SSC5D: variants seen among roughly 807,000 people sequenced by gnomAD.
SSC5D encodes the protein soluble scavenger receptor cysteine-rich domain-containing protein SSC5D.
SSC5D carries 106 observed loss-of-function variants against 104.6 expected under a neutral mutation model. The ratio of observed to expected loss-of-function variants is 1.01; its 90% CI spans 0.87 to 1.19. SSC5D has a LOEUF of 1.19. SSC5D is among the 50% of genes most tolerant of loss of function. The probability of loss-of-function intolerance (pLI) is 0.00; values close to 1 mark genes in which losing one functional copy is unlikely to be tolerated. For synonymous variants in SSC5D, 860 were observed against 883.5 expected, an observed-to-expected ratio of 0.97 and a Z score of 0.47; for missense variants, 1,993 against 2,153.8, an observed-to-expected ratio of 0.93 and a Z score of 1.48.
rs1987966452 is a variant in SSC5D at position 55,519,065 on chromosome 19, CA to C, written c.*70del. 49 of 1,448,410 alleles carry C rather than the reference CA, an allele frequency of 3.4e-5. 2 individuals are homozygous for C. The South Asian group carries it at 6.4e-4, about 19-fold the overall frequency. 89.7% of individuals were successfully genotyped at this position (1,448,410 alleles called of 1,614,324 possible). ...AAAAAACAAAAACAAAAAAAACCCCCAAAGTATCTAATTAAAAACAAGGTGT... is the reference window on the plus strand; with the variant it reads ...AAAAAACAAAAACAAAAAAAACCCCCAAGTATCTAATTAAAAACAAGGTGT... On this transcript the variant is annotated 3_prime_UTR_variant, in exon 14 of 14. Coordinates refer to ENST00000389623, the MANE Select transcript of SSC5D (RefSeq NM_001144950.2).
rs750813661 is a variant in SSC5D at position 55,494,782 on chromosome 19, C to T, written c.1386C>T (p.Ala462=). Reference sequence around the variant, plus strand: ...TCCTTTGGGAGCCTGGACCGGAAGCCGGTGAGTCCCTCCATGCTCCCCAAG... The same window carrying T: ...TCCTTTGGGAGCCTGGACCGGAAGCTGGTGAGTCCCTCCATGCTCCCCAAG... ...PTVLWEPGPE[A]GSPQLRLVAG... is the part of the protein sequence containing the mutation. The change falls in exon 8 of 14, where the codon GCC becomes GCT. Residue 462 remains alanine, a splice_region_variant and synonymous_variant. Transcript: ENST00000389623. The T allele has an allele frequency of 2.6e-5, 40 of 1,540,270 alleles. No homozygotes were observed. Among genetic ancestry groups the T allele is most frequent in the Admixed American group, 4.0e-5 (2 of 50,106 alleles).
In SSC5D at chr19:55,517,324, A is replaced by AC. The variant is rs1568485761; in HGVS notation, c.3053dup (p.Gly1019ArgfsTer7). 6.5e-7 allele frequency: 1 copy of AC among 1,548,828 alleles called. No homozygotes were observed. ...CCCCAGGTCCCTCCGCCTCTCCGGG[A>AC]CCCCCAGGCCCAGCGCTGACCTCTG... On this transcript the variant is annotated frameshift_variant, in exon 14 of 14. Coordinates refer to ENST00000389623, the MANE Select transcript of SSC5D (RefSeq NM_001144950.2). LOFTEE classifies it low-confidence loss of function (END_TRUNC).
chr19:55,506,487 C>A (rs534042944), intron 12 of SSC5D, among the ~76,000 whole-genome samples: 2 of 146,518 alleles, frequency 1.4e-5, no homozygotes, highest in African/African-American at 5.0e-5. Context: ...CTCTGCCTCC[C>A]GGGTTCACAC....
chr19:55,500,326 A>G lies in SSC5D; in HGVS notation c.2216A>G (p.Glu739Gly). The G allele has an allele frequency of 6.4e-7, 1 of 1,551,530 alleles. No homozygotes were observed. Among genetic ancestry groups the G allele is most frequent in the Non-Finnish European group, 8.7e-7 (1 of 1,146,980 alleles). Residue 739 changes from glutamate to glycine, a missense_variant, in exon 10 of 14, where the codon GAG becomes GGG. Around this residue, in one of 6 missense-constraint regions of SSC5D, gnomAD observed 1,101 missense variants for 1,085.0 expected, o/e 1.01. Coordinates refer to ENST00000389623, the MANE Select transcript of SSC5D (RefSeq NM_001144950.2). The surrounding 1 kb of genome is among the most constrained non-coding windows in gnomAD (Gnocchi z 4.6). ...TIKSIPQASL[E>G]PSAEIPEGSP... ...AAGAGTATCCCTCAGGCCTCCCTGG[A>G]GCCATCTGCTGAGATCCCAGAAGGG... is the stretch of plus-strand genomic sequence containing the variant.
intron 9 of SSC5D, 30 bp downstream of exon 9, chr19:55,498,227 C>T (rs563648354): frequency 1.9e-6 from 3 of 1,549,006 alleles, no homozygotes; most frequent in East Asian, 4.9e-5. Flanking sequence ...CTGTTGACTC[C>T]AGGAGGGCTT....
chr19:55,509,379 C>T lies in SSC5D; in HGVS notation c.2786-3632C>T, dbSNP rs565938354. On this transcript the variant is annotated intron_variant, in intron 12 of 13. Coordinates refer to ENST00000389623, the MANE Select transcript of SSC5D (RefSeq NM_001144950.2). ...CCACAACGAGGCGTCGAGAAATTCT[C>T]GCCCATGAGCCTAAGGACATGGGCA... 4.0e-3 allele frequency among the ~76,000 whole-genome samples: 603 copies of T among 152,202 alleles called. 7 individuals are homozygous for T. The highest frequency in any genetic ancestry group is 0.014 in the African/African-American group (579 of 41,514).
Position 55,518,892 on chromosome 19 carries a change from G to T in SSC5D, c.4616G>T (p.Gly1539Val), listed in dbSNP as rs1283199776. 25 of 1,550,238 alleles carry T rather than the reference G, an allele frequency of 1.6e-5. No homozygotes were observed. Among genetic ancestry groups the T allele is most frequent in the Non-Finnish European group, 2.1e-5 (24 of 1,146,990 alleles). Reference sequence around the variant, plus strand: ...GCTGCCCGGGGTCTGGGGCAGCTGGGTGAGGCTGTGAAGAGACTGGCAGAG... The same window carrying T: ...GCTGCCCGGGGTCTGGGGCAGCTGGTTGAGGCTGTGAAGAGACTGGCAGAG... The part of the protein sequence containing the change: ...VEAARGLGQL[G>V]EAVKRLAEMA... Residue 1539 changes from glycine to valine, a missense_variant, in exon 14 of 14, where the codon GGT becomes GTT. Transcript: ENST00000389623.
In SSC5D at chr19:55,518,883, G is replaced by A. The variant is rs112525800; in HGVS notation, c.4607G>A (p.Gly1536Glu). The change falls in exon 14 of 14, where the codon GGG becomes GAG. Residue 1536 changes from glycine (G) to glutamate (E), a missense_variant. Around this residue, in one of 6 missense-constraint regions of SSC5D, gnomAD observed 349 missense variants for 397.6 expected, o/e 0.88. Coordinates refer to ENST00000389623, the MANE Select transcript of SSC5D (RefSeq NM_001144950.2). ...CTGGTAGAAGCTGCCCGGGGTCTGGGGCAGCTGGGTGAGGCTGTGAAGAGA... is the reference window on the plus strand; with the variant it reads ...CTGGTAGAAGCTGCCCGGGGTCTGGAGCAGCTGGGTGAGGCTGTGAAGAGA... ...TQLVEAARGLGQLGEAVKRLA... is the reference protein window; with the variant it reads ...TQLVEAARGLEQLGEAVKRLA... 18,752 of 1,550,284 alleles carry A rather than the reference G, an allele frequency of 0.012. 135 individuals carry two copies. Among genetic ancestry groups the A allele is most frequent in the Non-Finnish European group, 0.014 (16,381 of 1,146,964 alleles).
At chr19:55,490,197 TC>T in intron 4 of SSC5D, 100 bp from the exon 5 acceptor site, 1 of 613,562 alleles carries the variant, frequency 1.6e-6, no homozygotes, top group Non-Finnish European at 2.9e-6. Context: ...GCCTAGGGAG[TC>T]CTCCATCACT....
intron 6 of SSC5D, among the ~76,000 whole-genome samples, chr19:55,493,380 C>T (rs1599914135): frequency 6.6e-6 from 1 of 151,842 alleles, no homozygotes; most frequent in African/African-American, 2.4e-5. Flanking sequence ...CGTCCCCAGC[C>T]CCCACCGCCC....
rs1164726403 is a variant in SSC5D at position 55,500,005 on chromosome 19, T to C, written c.1895T>C (p.Val632Ala). Residue 632 changes from valine to alanine, a missense_variant, in exon 10 of 14, where the codon GTG (valine) becomes GCG (alanine). By Grantham distance (64) the Val-to-Ala change is moderately conservative (BLOSUM62 0). Coordinates refer to ENST00000389623, the MANE Select transcript of SSC5D (RefSeq NM_001144950.2). This position sits in a 1 kb window ranked among gnomAD's most constrained non-coding sequence, Gnocchi z 4.6. Reference sequence around the variant, plus strand: ...ATGCCTAAGAGTACTAAGAAGTGGGTGACAAAAAATGCAAAGAGACCAACC... The same window carrying C: ...ATGCCTAAGAGTACTAAGAAGTGGGCGACAAAAAATGCAAAGAGACCAACC... ...GKMPKSTKKW[V>A]TKNAKRPTTQ... 6.5e-7 allele frequency: 1 copy of C among 1,550,128 alleles called. No homozygotes were observed. Among genetic ancestry groups the C allele is most frequent in the East Asian group, 2.5e-5 (1 of 40,800 alleles).
chr19:55,507,221 G>C (rs1237404362), intron 12 of SSC5D, among the ~76,000 whole-genome samples: 1 of 150,738 alleles, frequency 6.6e-6, no homozygotes, highest in African/African-American at 2.4e-5. Flanking sequence ...GCGTGCTCCT[G>C]TAGTTCCAGC....
At position 55,500,466 on chromosome 19, in the gene SSC5D, C is replaced by T. The variant is rs1201529503; in HGVS notation, c.2303-24C>T. 3 of 1,549,334 alleles carry T rather than the reference C, an allele frequency of 1.9e-6. No individual in the cohort carries two copies. Among genetic ancestry groups the T allele is most frequent in the South Asian group, 2.4e-5 (2 of 83,934 alleles). The stretch of plus-strand genomic sequence containing the variant: ...GAATGGGAGAGGCTGACCCTCCCTC[C>T]TGACCTAAGGGCCTTCCACGCAGGC... On this transcript the variant is annotated intron_variant, in intron 10 of 13. Coordinates refer to ENST00000389623, the MANE Select transcript of SSC5D (RefSeq NM_001144950.2). The surrounding 1 kb of genome is among the most constrained non-coding windows in gnomAD (Gnocchi z 4.6).
rs1487374804 is a variant in SSC5D at position 55,518,426 on chromosome 19, G to A, written c.4150G>A (p.Glu1384Lys). ...CTCCACATCCCAGATACCCACCTTA[G>A]AGCCCTCTCCAGCCTTGGAGTCCAG... ...HTSTSQIPTL[E>K]PSPALESSPS... is the part of the protein sequence containing the mutation. Residue 1384 changes from glutamate (E) to lysine (K), a missense_variant, in exon 14 of 14, where the codon GAG (glutamate) becomes AAG (lysine). By Grantham distance (56) the Glu-to-Lys change is moderately conservative. Around this residue, in one of 6 missense-constraint regions of SSC5D, gnomAD observed 349 missense variants for 397.6 expected, o/e 0.88. Coordinates refer to ENST00000389623, the MANE Select transcript of SSC5D (RefSeq NM_001144950.2). The A allele has an allele frequency of 2.6e-6, 4 of 1,550,956 alleles. No homozygotes were observed. Among genetic ancestry groups the A allele is most frequent in the African/African-American group, 1.4e-5 (1 of 72,914 alleles).
intron 12 of SSC5D, among the ~76,000 whole-genome samples, chr19:55,512,365 C>CAA (rs374519949): frequency 0.35 from 46,449 of 132,618 alleles, 8,434 homozygotes; most frequent in East Asian, 0.57. Context: ...TGCATTTGGC[C>CAA]AAAAAAAAAA....
At chr19:55,490,045 C>T in intron 4 of SSC5D, 50 bp downstream of exon 4, 2 of 1,293,562 alleles carry the variant, frequency 1.5e-6, no homozygotes, top group Non-Finnish European at 2.1e-6. Flanking sequence ...TGCCCTCCTG[C>T]CCCCCCCGAG....
At chr19:55,515,577 A>T (rs1424823904) in intron 13 of SSC5D, among the ~76,000 whole-genome samples, 1 of 151,354 alleles carries the variant, frequency 6.6e-6, no homozygotes, top group African/African-American at 2.4e-5. Flanking sequence ...CTAAAAATAC[A>T]AAAAATTAGC....
At position 55,518,952 on chromosome 19, in the gene SSC5D, C is replaced by T. The variant is rs1443715530; in HGVS notation, c.4676C>T (p.Thr1559Ile). 18 of 1,550,460 alleles carry T rather than the reference C, an allele frequency of 1.2e-5. No homozygotes were observed. Among genetic ancestry groups the T allele is most frequent in the Non-Finnish European group, 1.2e-5 (14 of 1,146,956 alleles). Reference sequence around the variant, plus strand: ...ACCACCAGCATGCCTGCACCAACCACCACTACCCCAGAGGAAGAAGAAAGA... The same window carrying T: ...ACCACCAGCATGCCTGCACCAACCATCACTACCCCAGAGGAAGAAGAAAGA... Reference protein sequence around the residue: ...AWTTSMPAPTTTTPEEEERPL... With the variant: ...AWTTSMPAPTITTPEEEERPL... The change falls in exon 14 of 14, where the codon ACC becomes ATC. Residue 1559 changes from threonine to isoleucine, a missense_variant. Thr to Ile is a moderately conservative substitution (Grantham distance 89). Coordinates refer to ENST00000389623, the MANE Select transcript of SSC5D (RefSeq NM_001144950.2).
Position 55,501,223 on chromosome 19 carries a change from G to A in SSC5D, c.2785+22G>A, listed in dbSNP as rs11669496. ...ACAGGTGAGAGGCCTGATTGGGGTGGCCATGGAGGGCCTCCATAAACCTCC... is the reference window on the plus strand; with the variant it reads ...ACAGGTGAGAGGCCTGATTGGGGTGACCATGGAGGGCCTCCATAAACCTCC... On this transcript the variant is annotated intron_variant, in intron 12 of 13. Transcript: ENST00000389623. The A allele has an allele frequency of 0.64, 943,186 of 1,482,712 alleles. 305,964 individuals carry two copies. The highest frequency in any genetic ancestry group is 0.7 in the South Asian group (50,166 of 71,944). 91.8% of individuals were successfully genotyped at this position (1,482,712 alleles called of 1,614,324 possible).
Sources: gnomAD v4.1 joint callset for allele counts (sites outside exome capture counted in the v4.1 genomes callset) on GRCh38, gnomAD v4.1.1 for gene constraint, gnomAD v4.1.1 regional missense constraint, Gnocchi (gnomAD v3.1) non-coding constraint, MANE v1.5 for transcripts, NCBI Gene and HGNC (gene_info 2026-07-23, HGNC 2026-07-21) for gene names.